The following PERP variants were observed in gnomAD, a reference collection of about 807,000 sequenced individuals.
PERP encodes the protein p53 apoptosis effector related to PMP22.
A neutral mutation model predicts 20.3 loss-of-function variants in PERP; 11 were observed. That is an observed-to-expected ratio of 0.54 (90% CI 0.34 to 0.90). PERP has a LOEUF of 0.90. PERP is among the 40% of genes least tolerant of loss of function. PERP has a pLI of 0.02. For synonymous variants in PERP, 101 were observed against 102.0 expected (o/e 0.99, Z 0.06); for missense variants, 224 against 249.4 (o/e 0.90, Z 0.69).
Position 138,107,286 on chromosome 6 carries a change from G to A in PERP, c.55C>T (p.Leu19=), listed in dbSNP as rs1279325510. 5 of 1,610,482 alleles carry A rather than the reference G, an allele frequency of 3.1e-6. No individual in the cohort carries two copies. Among genetic ancestry groups the A allele is most frequent in the Admixed American group, 1.7e-5 (1 of 59,986 alleles). The change falls in exon 1 of 3, where the codon CTA becomes TTA. Residue 19 remains leucine (L), a synonymous_variant. Coordinates refer to ENST00000421351, the MANE Select transcript of PERP (RefSeq NM_022121.5). The surrounding 1 kb of genome is among the most constrained non-coding windows in gnomAD (Gnocchi z 4.8). ...ATGTCGAAGGCGATGGCGCTGAGTAGGAGCAGGGGCAGGATCCAGCGGCAG... is the reference window on the plus strand; with the variant it reads ...ATGTCGAAGGCGATGGCGCTGAGTAAGAGCAGGGGCAGGATCCAGCGGCAG... The part of the protein sequence containing the change: ...ERCRWILPLL[L]LSAIAFDIIA...
chr6:138,093,050 T>C (rs994148480), intron 2 of PERP, among the ~76,000 whole-genome samples: 2 of 152,228 alleles, frequency 1.3e-5, no homozygotes, highest in African/African-American at 4.8e-5. Context: ...TTAATCTTTG[T>C]AATAGTATTT....
At position 138,096,477 on chromosome 6, in the gene PERP, C is replaced by T; in HGVS notation, c.232G>A (p.Ala78Thr). 5 of 1,613,378 alleles carry T rather than the reference C, an allele frequency of 3.1e-6. No homozygotes were observed. The highest frequency in any genetic ancestry group is 4.2e-6 in the Non-Finnish European group (5 of 1,179,638). Reference sequence around the variant, plus strand: ...ATGAAGCCACAGAAGAGCATGGCAGCCGCTGCTCTACCCCACGCTGCAAGA... The same window carrying T: ...ATGAAGCCACAGAAGAGCATGGCAGTCGCTGCTCTACCCCACGCTGCAAGA... Reference protein sequence around the residue: ...LMEYAWGRAAAAMLFCGFIIL... With the variant: ...LMEYAWGRAATAMLFCGFIIL... Residue 78 changes from alanine (A) to threonine (T), a missense_variant, in exon 2 of 3, where the codon GCT (alanine) becomes ACT (threonine). Ala to Thr is a moderately conservative substitution (Grantham distance 58). Transcript: ENST00000421351.
At chr6:138,104,904 T>C (rs1775821423) in intron 1 of PERP, among the ~76,000 whole-genome samples, 1 of 150,452 alleles carries the variant, frequency 6.6e-6, no homozygotes, top group Non-Finnish European at 1.5e-5. Flanking sequence ...CCAGAGTTCA[T>C]AGATGCCTAG....
intron 2 of PERP, among the ~76,000 whole-genome samples, chr6:138,092,686 C>CAT (rs554318576): frequency 9.6e-4 from 146 of 152,114 alleles, no homozygotes; most frequent in Middle Eastern, 3.4e-3. Flanking sequence ...GCAAAAATTA[C>CAT]ATATATATAT....
chr6:138,095,025 T>A (rs994209635), intron 2 of PERP, among the ~76,000 whole-genome samples: 5 of 152,124 alleles, frequency 3.3e-5, no homozygotes, highest in South Asian at 2.1e-4. Context: ...CTGGCCTTAG[T>A]GTGTTATTTC....
intron 1 of PERP, among the ~76,000 whole-genome samples, chr6:138,105,888 G>A (rs909582839): frequency 7.2e-5 from 11 of 152,188 alleles, no homozygotes; most frequent in Non-Finnish European, 1.3e-4. Context: ...GGTTTTCAGA[G>A]AAGAAAACAC....
In PERP at chr6:138,096,498, C is replaced by A; in HGVS notation, c.215-4G>T. 1 of 1,595,500 alleles carries A rather than the reference C, an allele frequency of 6.3e-7. No individual in the cohort carries two copies. The highest frequency in any genetic ancestry group is 8.5e-7 in the Non-Finnish European group (1 of 1,173,306). On this transcript the variant is annotated splice_polypyrimidine_tract_variant and splice_region_variant and intron_variant, in intron 1 of 2. Coordinates refer to ENST00000421351, the MANE Select transcript of PERP (RefSeq NM_022121.5). ...GCAGCCGCTGCTCTACCCCACGCTG[C>A]AAGAAAAAAAGAAACAGCAATTAAC... is the stretch of plus-strand genomic sequence containing the variant.
chr6:138,096,225 C>A, intron 2 of PERP, 129 bp downstream of exon 2: 3 of 1,201,350 alleles, frequency 2.5e-6, no homozygotes, highest in Non-Finnish European at 3.5e-6. Flanking sequence ...TTACTTCTGC[C>A]CTGGTGATAC....
chr6:138,089,337 A>T lies in PERP; in HGVS notation c.*2705T>A, dbSNP rs1343996768. The T allele has an allele frequency of 6.6e-6, 1 of 152,180 alleles. No homozygotes were observed. The highest frequency in any genetic ancestry group is 2.4e-5 in the African/African-American group (1 of 41,452). The allele number at this position is 152,180 out of a possible 1,614,324, so 9.4% of individuals were successfully genotyped here. A position where few individuals can be genotyped will look rare whatever the true frequency, so the allele number is the denominator to read the frequency against. ...ATTTTCCATTGTTTTCATTTCCTTAAAAAAGGAAAGGCTGTTGAACTTGTG... is the reference window on the plus strand; with the variant it reads ...ATTTTCCATTGTTTTCATTTCCTTATAAAAGGAAAGGCTGTTGAACTTGTG... On this transcript the variant is annotated 3_prime_UTR_variant, in exon 3 of 3. Transcript: ENST00000421351.
intron 1 of PERP, among the ~76,000 whole-genome samples, chr6:138,100,027 T>C (rs1170781082): frequency 6.6e-6 from 1 of 152,174 alleles, no homozygotes; most frequent in Non-Finnish European, 1.5e-5. Flanking sequence ...TTGAATCACT[T>C]AACTATCATT....
intron 2 of PERP, among the ~76,000 whole-genome samples, chr6:138,096,007 GCCAGGGCTGGGGA>G: frequency 6.6e-6 from 1 of 151,616 alleles, no homozygotes; most frequent in African/African-American, 2.4e-5. Flanking sequence ...CTCACAGCAG[GCCAGGGCTGGGGA>G]CCACAACGGA....
chr6:138,097,444 C>CT (rs1218682478), intron 1 of PERP, among the ~76,000 whole-genome samples: 1 of 152,162 alleles, frequency 6.6e-6, no homozygotes, highest in Non-Finnish European at 1.5e-5. Flanking sequence ...CTCACAACAA[C>CT]TTTTTTTTCC....
intron 1 of PERP, among the ~76,000 whole-genome samples, chr6:138,106,622 G>A (rs955127399): frequency 6.6e-6 from 1 of 152,170 alleles, no homozygotes; most frequent in Non-Finnish European, 1.5e-5. Context: ...TATTGAAAAC[G>A]TTAACTGCTA....
chr6:138,097,979 T>C (rs922091270), intron 1 of PERP, among the ~76,000 whole-genome samples: 1 of 152,198 alleles, frequency 6.6e-6, no homozygotes, highest in African/African-American at 2.4e-5. Context: ...GGACTTTTCA[T>C]ATAAATGGAA....
At chr6:138,095,122 A>C (rs1381900810) in intron 2 of PERP, among the ~76,000 whole-genome samples, 4 of 152,242 alleles carry the variant, frequency 2.6e-5, no homozygotes, top group African/African-American at 9.6e-5. Context: ...CTAGAGTCTC[A>C]TAAATGTGAA....
chr6:138,103,090 C>T (rs1421757170), intron 1 of PERP, among the ~76,000 whole-genome samples: 1 of 127,120 alleles, frequency 7.9e-6, no homozygotes, highest in Non-Finnish European at 1.7e-5. Context: ...CAGACCGAGA[C>T]TCCGTCTCAA....
chr6:138,107,393 C>T lies in PERP; in HGVS notation c.-53G>A, dbSNP rs576547594. On this transcript the variant is annotated 5_prime_UTR_variant, in exon 1 of 3. Transcript: ENST00000421351. The surrounding 1 kb of genome is among the most constrained non-coding windows in gnomAD (Gnocchi z 4.8). ...AGCGGAGCGGAGCGGGTCGGAGGAG[C>T]GCGCGGGACGGGCGACAGCAGAGAG... 3 of 1,386,844 alleles carry T rather than the reference C, an allele frequency of 2.2e-6. No homozygotes were observed. The highest frequency in any genetic ancestry group is 2.8e-6 in the Non-Finnish European group (3 of 1,064,696). The allele number at this position is 1,386,844 out of a possible 1,614,324, so 85.9% of individuals were successfully genotyped here. A position where few individuals can be genotyped will look rare whatever the true frequency, so the allele number is the denominator to read the frequency against.
intron 2 of PERP, 117 bp from the exon 3 acceptor site, chr6:138,092,385 T>C: frequency 2.2e-6 from 2 of 926,516 alleles, no homozygotes; most frequent in African/African-American, 1.6e-5. Context: ...AAGTATAAAA[T>C]CTACCTGGAG....
In PERP at chr6:138,090,172, C is replaced by G. The variant is rs1478624806; in HGVS notation, c.*1870G>C. On this transcript the variant is annotated 3_prime_UTR_variant, in exon 3 of 3. Coordinates refer to ENST00000421351, the MANE Select transcript of PERP (RefSeq NM_022121.5). Reference sequence around the variant, plus strand: ...GTATAATCACCCAGATTACATTTCTCTATGAGAAACATTCACCTCGCATTT... The same window carrying G: ...GTATAATCACCCAGATTACATTTCTGTATGAGAAACATTCACCTCGCATTT... 3.3e-5 allele frequency: 5 copies of G among 152,116 alleles called. No homozygotes were observed. Among genetic ancestry groups the G allele is most frequent in the African/African-American group, 1.2e-4 (5 of 41,418 alleles). 9.4% of individuals were successfully genotyped at this position (152,116 alleles called of 1,614,324 possible).
Sources: gnomAD v4.1 joint callset for allele counts (sites outside exome capture counted in the v4.1 genomes callset) on GRCh38, gnomAD v4.1.1 for gene constraint, Gnocchi (gnomAD v3.1) non-coding constraint, MANE v1.5 for transcripts, NCBI Gene and HGNC (gene_info 2026-07-23, HGNC 2026-07-21) for gene names.